Variants in NSD3 observed in about 807,000 individuals in gnomAD.
The protein encoded by NSD3 is histone-lysine N-methyltransferase NSD3.
A neutral mutation model predicts 160.8 loss-of-function variants in NSD3; 24 were observed. The ratio of observed to expected loss-of-function variants is 0.15; its 90% CI spans 0.11 to 0.21. The LOEUF (loss-of-function observed/expected upper bound fraction) is 0.21, where lower values mean the gene tolerates loss of function less well. NSD3 is among the 10% of genes least tolerant of loss of function. The pLI is 1.00. For synonymous variants in NSD3, 520 were observed against 600.0 expected (o/e 0.87, Z 1.95); for missense variants, 1,157 against 1,735.9 (o/e 0.67, Z 5.93).
chr8:38,312,546 G>C (rs904315184), intron 12 of NSD3, among the ~76,000 whole-genome samples: 1 of 152,166 alleles, frequency 6.6e-6, no homozygotes, highest in Non-Finnish European at 1.5e-5. Flanking sequence ...AATGTTGGAA[G>C]TGAGGTCTGG....
At chr8:38,373,458 C>T (rs541215696) in intron 1 of NSD3, among the ~76,000 whole-genome samples, 2 of 151,892 alleles carry the variant, frequency 1.3e-5, no homozygotes, top group Non-Finnish European at 2.9e-5. Context: ...TTTTATATTT[C>T]ACATTTCATA....
chr8:38,309,238 C>T, intron 12 of NSD3, among the ~76,000 whole-genome samples: 1 of 151,908 alleles, frequency 6.6e-6, no homozygotes. Flanking sequence ...GAGGGCAAGG[C>T]AGGTGGATCA....
intron 17 of NSD3, 55 bp from the exon 18 acceptor site, chr8:38,289,560 T>C: frequency 6.5e-7 from 1 of 1,527,020 alleles, no homozygotes; most frequent in Non-Finnish European, 9.0e-7. Context: ...GGAAAATTGA[T>C]GGGATAGTAG....
chr8:38,289,086 G>A (rs1028282837), intron 18 of NSD3, among the ~76,000 whole-genome samples: 1 of 152,118 alleles, frequency 6.6e-6, no homozygotes, highest in Admixed American at 6.6e-5. Context: ...ATTTGGTGGC[G>A]GGATAACCTG....
chr8:38,319,131 G>A lies in NSD3; in HGVS notation c.1810-191C>T, dbSNP rs1463137083. ...GGGAGGGTTTAAATCCTAGCTGCCT[G>A]TGCTGAATATCAAGTGACAACACAC... On this transcript the variant is annotated intron_variant, in intron 8 of 23. Transcript: ENST00000317025. This position sits in a 1 kb window ranked among gnomAD's most constrained non-coding sequence, Gnocchi z 4.1. 10 of 559,778 alleles carry A rather than the reference G, an allele frequency of 1.8e-5. 1 individual carries two copies. The South Asian group carries it at 2.2e-4, about 12-fold the overall frequency. The allele number at this position is 559,778 out of a possible 1,614,324, so 34.7% of individuals were successfully genotyped here. A position where few individuals can be genotyped will look rare whatever the true frequency, so the allele number is the denominator to read the frequency against.
At chr8:38,334,770 A>T in intron 4 of NSD3, among the ~76,000 whole-genome samples, 1 of 151,616 alleles carries the variant, frequency 6.6e-6, no homozygotes, top group East Asian at 1.9e-4. Flanking sequence ...ACAAACAAAC[A>T]AAAAAAACAG....
rs1193577887 is a variant in NSD3 at position 38,281,395 on chromosome 8, G to A, written c.3618+72C>T. On this transcript the variant is annotated intron_variant, in intron 20 of 23. Coordinates refer to ENST00000317025, the MANE Select transcript of NSD3 (RefSeq NM_023034.2). ...GAAAAATCAAATTAAAAGAAACTGA[G>A]TTCAAATTAAGACTATGAAACAAAA... is the stretch of plus-strand genomic sequence containing the variant. The A allele has an allele frequency of 6.5e-6, 5 of 771,854 alleles. No homozygotes were observed. The Admixed American group carries it at 1.7e-4, about 26-fold the overall frequency. 47.8% of individuals were successfully genotyped at this position (771,854 alleles called of 1,614,324 possible).
At chr8:38,324,078 T>C (rs1015752735) in intron 7 of NSD3, among the ~76,000 whole-genome samples, 3 of 152,198 alleles carry the variant, frequency 2.0e-5, no homozygotes, top group African/African-American at 7.2e-5. Flanking sequence ...GCCAAAAGAT[T>C]CTTTTAATAT....
chr8:38,362,409 G>A (rs1810997116), intron 1 of NSD3, among the ~76,000 whole-genome samples: 1 of 151,762 alleles, frequency 6.6e-6, no homozygotes, highest in Non-Finnish European at 1.5e-5. Context: ...TCCTTCCTAA[G>A]AAAGACCTCA....
At chr8:38,347,346 G>A in intron 2 of NSD3, 151 bp downstream of exon 2, 1 of 758,420 alleles carries the variant, frequency 1.3e-6, no homozygotes, top group Non-Finnish European at 2.1e-6. Flanking sequence ...CAAATACTCA[G>A]CACCTATTAT....
intron 19 of NSD3, among the ~76,000 whole-genome samples, chr8:38,286,910 T>C (rs1190118233): frequency 6.6e-6 from 1 of 152,202 alleles, no homozygotes; most frequent in Non-Finnish European, 1.5e-5. Flanking sequence ...GCCAATCACT[T>C]GAAAAGGGCA....
At chr8:38,282,442 G>C (rs577664524) in intron 19 of NSD3, among the ~76,000 whole-genome samples, 24 of 152,336 alleles carry the variant, frequency 1.6e-4, no homozygotes, top group Admixed American at 1.6e-3. Context: ...AGGCCAAGGC[G>C]GGTGGATCAC....
chr8:38,330,590 C>T (rs1317368950), intron 5 of NSD3, among the ~76,000 whole-genome samples: 1 of 152,146 alleles, frequency 6.6e-6, no homozygotes, highest in African/African-American at 2.4e-5. Flanking sequence ...GGTGGCTAGA[C>T]TGATGTAGCC....
chr8:38,286,850 T>C (rs980355474), intron 19 of NSD3, among the ~76,000 whole-genome samples: 5 of 152,234 alleles, frequency 3.3e-5, no homozygotes, highest in African/African-American at 4.8e-5. Context: ...CACACCTTCA[T>C]GGCTTTCTAC....
At chr8:38,283,189 A>AAT (rs1323259905) in intron 19 of NSD3, among the ~76,000 whole-genome samples, 1 of 152,230 alleles carries the variant, frequency 6.6e-6, no homozygotes, top group African/African-American at 2.4e-5. Flanking sequence ...CTCCTTTTAA[A>AAT]ATAAGAGCAA....
rs150155803 is a variant in NSD3 at position 38,331,827 on chromosome 8, TCAAAA to T, written c.911-247_911-243del. ...TGGGTGACAGAGCAAGACTCTTGTC[TCAAAA>T]CAAAACAAAACAAAACAAAACAAAA... On this transcript the variant is annotated intron_variant, in intron 4 of 23. Transcript: ENST00000317025. 6.1e-4 allele frequency among the ~76,000 whole-genome samples: 93 copies of T among 152,198 alleles called. 1 individual carries two copies. The highest frequency in any genetic ancestry group is 2.9e-3 in the East Asian group (15 of 5,190).
At chr8:38,278,779 G>A (rs900563404) in intron 21 of NSD3, among the ~76,000 whole-genome samples, 1 of 152,132 alleles carries the variant, frequency 6.6e-6, no homozygotes, top group African/African-American at 2.4e-5. Flanking sequence ...TATGACCATG[G>A]AATTGTAACA....
chr8:38,349,457 T>G lies in NSD3; in HGVS notation c.-44-1242A>C, dbSNP rs949516504. Among the ~76,000 whole-genome samples the G allele has an allele frequency of 1.3e-5, 2 of 151,868 alleles. 1 individual carries two copies. On this transcript the variant is annotated intron_variant, in intron 1 of 23. Coordinates refer to ENST00000317025, the MANE Select transcript of NSD3 (RefSeq NM_023034.2). Reference sequence around the variant, plus strand: ...CTTCAGCCTCCCAAAGTGCTGAGATTATAGGCATGAGTCACCACGCCTGGC... The same window carrying G: ...CTTCAGCCTCCCAAAGTGCTGAGATGATAGGCATGAGTCACCACGCCTGGC...
At chr8:38,291,625 C>T (rs555532897) in intron 16 of NSD3, among the ~76,000 whole-genome samples, 6 of 152,256 alleles carry the variant, frequency 3.9e-5, no homozygotes, top group South Asian at 2.1e-4. Context: ...AGAATCCATG[C>T]GCAAATTGTA....
Sources: gnomAD v4.1 joint callset for allele counts (sites outside exome capture counted in the v4.1 genomes callset) on GRCh38, gnomAD v4.1.1 for gene constraint, Gnocchi (gnomAD v3.1) non-coding constraint, MANE v1.5 for transcripts, NCBI Gene and HGNC (gene_info 2026-07-23, HGNC 2026-07-21) for gene names.